The following TNNI3K variants were observed in gnomAD, a reference collection of about 807,000 sequenced individuals.
TNNI3K encodes serine/threonine-protein kinase TNNI3K.
In TNNI3K, 140 loss-of-function variants were observed where a neutral mutation model predicts 114.5. That is an observed-to-expected ratio of 1.22 (90% CI 1.07 to 1.41). TNNI3K has a LOEUF of 1.41. Ranked by LOEUF, TNNI3K falls within the 40% of genes most tolerant of loss-of-function variation. TNNI3K has a pLI of 0.00. For synonymous variants in TNNI3K, 347 were observed against 347.5 expected, an observed-to-expected ratio of 1.00 and a Z score of 0.02; for missense variants, 1,125 against 1,007.6, an observed-to-expected ratio of 1.12 and a Z score of -1.58.
chr1:74,256,439 G>C (rs1030686283), intron 4 of TNNI3K, among the ~76,000 whole-genome samples: 7 of 151,456 alleles, frequency 4.6e-5, no homozygotes, highest in Admixed American at 4.6e-4. Flanking sequence ...TTAATGTAGT[G>C]TCTGTTAAAT....
chr1:74,370,181 CA>C (rs1371308364), intron 16 of TNNI3K, 106 bp from the exon 17 acceptor site: 42 of 987,650 alleles, frequency 4.3e-5, no homozygotes, highest in Non-Finnish European at 5.3e-5. Context: ...CTTCAAGAAA[CA>C]AAAAATGGTT....
At chr1:74,310,453 G>A (rs946422928) in intron 5 of TNNI3K, among the ~76,000 whole-genome samples, 1 of 152,024 alleles carries the variant, frequency 6.6e-6, no homozygotes, top group African/African-American at 2.4e-5. Context: ...ATTTTTCACA[G>A]AAGTAGAAAA....
chr1:74,347,867 G>A (rs1026091715), intron 9 of TNNI3K, among the ~76,000 whole-genome samples: 1 of 152,004 alleles, frequency 6.6e-6, no homozygotes, highest in Admixed American at 6.6e-5. Context: ...TTGTAAATTT[G>A]TATGAGTTCA....
At chr1:74,540,878 T>G (rs1440317824) in intron 24 of TNNI3K, among the ~76,000 whole-genome samples, 1 of 152,190 alleles carries the variant, frequency 6.6e-6, no homozygotes, top group East Asian at 1.9e-4. Flanking sequence ...ACAGGACTTC[T>G]TCAGAAAGAA....
chr1:74,242,768 C>T (rs1399563937), intron 2 of TNNI3K, among the ~76,000 whole-genome samples: 1 of 152,078 alleles, frequency 6.6e-6, no homozygotes, highest in African/African-American at 2.4e-5. Context: ...CTTGTTTGTC[C>T]AGGTAAAACT....
At chr1:74,361,543 C>T (rs369950970) in intron 11 of TNNI3K, among the ~76,000 whole-genome samples, 14 of 152,088 alleles carry the variant, frequency 9.2e-5, no homozygotes, top group Non-Finnish European at 1.5e-5. Context: ...GTGTGACAGA[C>T]ACTGTGCTAG....
rs925797364 is a variant in TNNI3K, at chr1:74,516,084, G to T, written c.2351+23818G>T. Among the ~76,000 whole-genome samples, 4 of 152,330 alleles carry T rather than the reference G, an allele frequency of 2.6e-5. 1 individual carries two copies. Among genetic ancestry groups the T allele is most frequent in the Admixed American group, 6.5e-5 (1 of 15,302 alleles). On this transcript the variant is annotated intron_variant, in intron 23 of 24. Coordinates refer to ENST00000326637, the MANE Select transcript of TNNI3K (RefSeq NM_015978.3). ...GAAGCCATCTTCTGTGGATCTTTGAGTTGGAACTAGGCTGAGAATGTAGGT... is the reference window on the plus strand; with the variant it reads ...GAAGCCATCTTCTGTGGATCTTTGATTTGGAACTAGGCTGAGAATGTAGGT...
chr1:74,401,936 C>T (rs2100592228), intron 17 of TNNI3K: 1 of 444,416 alleles, frequency 2.3e-6, no homozygotes, highest in African/African-American at 2.0e-5. Flanking sequence ...CAGGTGTATG[C>T]TTACTTCTGC....
At chr1:74,417,269 C>T (rs1331828643) in intron 17 of TNNI3K, among the ~76,000 whole-genome samples, 1 of 151,888 alleles carries the variant, frequency 6.6e-6, no homozygotes, top group Non-Finnish European at 1.5e-5. Context: ...AATTGACTGC[C>T]GTGTTGGCTA....
chr1:74,430,175 G>A (rs1665825441), intron 17 of TNNI3K, among the ~76,000 whole-genome samples: 1 of 152,098 alleles, frequency 6.6e-6, no homozygotes, highest in African/African-American at 2.4e-5. Context: ...GAATTGGAAA[G>A]TGGTCTAATA....
At chr1:74,407,626 T>C (rs1197146514) in intron 17 of TNNI3K, among the ~76,000 whole-genome samples, 1 of 152,188 alleles carries the variant, frequency 6.6e-6, no homozygotes, top group Non-Finnish European at 1.5e-5. Flanking sequence ...GAAGTACTTA[T>C]ATATTTCCTT....
chr1:74,475,266 T>G, intron 21 of TNNI3K: 1 of 614,402 alleles, frequency 1.6e-6, no homozygotes, highest in Non-Finnish European at 3.0e-6. Flanking sequence ...TTAAACGGAG[T>G]GGGATTTTCT....
At chr1:74,257,661 C>CCTTTTTTTTTTTTTTTTTTTTTTTTTT (rs763279460) in intron 4 of TNNI3K, among the ~76,000 whole-genome samples, 1 of 78,590 alleles carries the variant, frequency 1.3e-5, no homozygotes, top group Non-Finnish European at 3.1e-5. Flanking sequence ...CTTGGCTTAC[C>CCTTTTTTTTTTTTTTTTTTTTTTTTTT]TCTTTTTTTT....
rs148707897 is a variant in TNNI3K at position 74,451,866 on chromosome 1, T to C, written c.2012-11575T>C. Among the ~76,000 whole-genome samples, 7 of 151,620 alleles carry C rather than the reference T, an allele frequency of 4.6e-5. No homozygotes were observed. The South Asian group carries it at 1.0e-3, about 23-fold the overall frequency. On this transcript the variant is annotated intron_variant, in intron 20 of 24. Transcript: ENST00000326637. ...TCAGATTTGTCTATTTCTCAAAATGTTTCATCTGCCATCACCCTAGTGCAA... is the reference window on the plus strand; with the variant it reads ...TCAGATTTGTCTATTTCTCAAAATGCTTCATCTGCCATCACCCTAGTGCAA...
At chr1:74,329,028 A>C (rs1660061149) in intron 5 of TNNI3K, among the ~76,000 whole-genome samples, 1 of 152,076 alleles carries the variant, frequency 6.6e-6, no homozygotes, top group East Asian at 1.9e-4. Context: ...TTTCAGTCTA[A>C]ATCTATGGAG....
At chr1:74,351,502 G>A (rs1243008715) in intron 9 of TNNI3K, among the ~76,000 whole-genome samples, 1 of 151,118 alleles carries the variant, frequency 6.6e-6, no homozygotes, top group African/African-American at 2.4e-5. Flanking sequence ...TCCTGAATTT[G>A]AATGTTGGCC....
At chr1:74,478,455 A>G (rs1668316232) in intron 21 of TNNI3K, among the ~76,000 whole-genome samples, 1 of 152,206 alleles carries the variant, frequency 6.6e-6, no homozygotes, top group Non-Finnish European at 1.5e-5. Flanking sequence ...TTCTGAATAC[A>G]TATTTCTGAA....
intron 4 of TNNI3K, among the ~76,000 whole-genome samples, chr1:74,261,085 T>C (rs1011503059): frequency 2.0e-5 from 3 of 152,118 alleles, no homozygotes; most frequent in Non-Finnish European, 4.4e-5. Context: ...TACCAGCTTT[T>C]TCTTTGCTGC....
At chr1:74,248,586 C>T (rs183646234) in intron 2 of TNNI3K, among the ~76,000 whole-genome samples, 1 of 152,338 alleles carries the variant, frequency 6.6e-6, no homozygotes, top group African/African-American at 2.4e-5. Flanking sequence ...ATACAACTTT[C>T]TTTTTGAAGT....
Sources: gnomAD v4.1 joint callset for allele counts (sites outside exome capture counted in the v4.1 genomes callset) on GRCh38, gnomAD v4.1.1 for gene constraint, MANE v1.5 for transcripts, NCBI Gene and HGNC (gene_info 2026-07-23, HGNC 2026-07-21) for gene names.